The following TULP4 variants were observed in gnomAD, a reference collection of about 807,000 sequenced individuals.
TULP4 encodes the protein tubby-related protein 4.
In TULP4, 16 loss-of-function variants were observed where a neutral mutation model predicts 129.0. The ratio of observed to expected loss-of-function variants is 0.12; its 90% CI spans 0.08 to 0.19. The LOEUF (loss-of-function observed/expected upper bound fraction) is 0.19, where lower values mean the gene tolerates loss of function less well. TULP4 is among the 10% of genes least tolerant of loss of function. The probability of loss-of-function intolerance (pLI) is 1.00; values close to 1 mark genes in which losing one functional copy is unlikely to be tolerated. For synonymous variants in TULP4, 998 were observed against 854.0 expected (o/e 1.17, Z -2.94); for missense variants, 1,842 against 2,059.1 (o/e 0.89, Z 2.04).
intron 1 of TULP4, among the ~76,000 whole-genome samples, chr6:158,259,425 C>G (rs1350763219): frequency 6.6e-6 from 1 of 152,168 alleles, no homozygotes; most frequent in African/African-American, 2.4e-5. Context: ...ACATAGATAT[C>G]TTCTGTGATT....
chr6:158,253,281 G>A (rs1778178161), intron 1 of TULP4, among the ~76,000 whole-genome samples: 1 of 152,188 alleles, frequency 6.6e-6, no homozygotes, highest in African/African-American at 2.4e-5. Flanking sequence ...CAGGATCTAG[G>A]TGTGAGGCAT....
intron 1 of TULP4, among the ~76,000 whole-genome samples, chr6:158,326,899 A>G (rs773386676): frequency 6.6e-6 from 1 of 152,160 alleles, no homozygotes; most frequent in Non-Finnish European, 1.5e-5. Flanking sequence ...AAAATACAGT[A>G]TTTCTGGGAT....
intron 8 of TULP4, among the ~76,000 whole-genome samples, chr6:158,484,927 AT>A (rs1395367639): frequency 6.6e-6 from 1 of 152,270 alleles, no homozygotes; most frequent in African/African-American, 2.4e-5. Context: ...GATCCAGGAA[AT>A]GGGTATTGCT....
chr6:158,237,652 T>C (rs1583662434), intron 1 of TULP4: 1 of 1,296,228 alleles, frequency 7.7e-7, no homozygotes, highest in East Asian at 2.3e-5. Flanking sequence ...AAGTTTTGGG[T>C]CATAATTCTT....
intron 1 of TULP4, among the ~76,000 whole-genome samples, chr6:158,362,157 A>G (rs901611605): frequency 6.6e-6 from 1 of 152,186 alleles, no homozygotes; most frequent in African/African-American, 2.4e-5. Flanking sequence ...TTGCCCAGGG[A>G]TATGAACCCA....
chr6:158,373,354 T>C (rs921331205), intron 1 of TULP4, among the ~76,000 whole-genome samples: 1 of 152,210 alleles, frequency 6.6e-6, no homozygotes, highest in Non-Finnish European at 1.5e-5. Context: ...GAGCTGGCGC[T>C]GTTCACCACC....
intron 1 of TULP4, among the ~76,000 whole-genome samples, chr6:158,331,716 CACACACACACACATACGTAT>C (rs1441474601): frequency 4.0e-5 from 2 of 50,172 alleles, no homozygotes; most frequent in East Asian, 5.5e-4. Flanking sequence ...CACACACACA[CACACACACACACATACGTAT>C]ATATATACGT....
intron 2 of TULP4, among the ~76,000 whole-genome samples, chr6:158,428,668 G>A (rs1481736420): frequency 6.6e-6 from 1 of 151,890 alleles, no homozygotes; most frequent in East Asian, 1.9e-4. Context: ...GCAAGACTGA[G>A]GGGCAATATA....
intron 1 of TULP4, 106 bp downstream of exon 1, chr6:158,314,374 G>A: frequency 2.2e-6 from 3 of 1,342,874 alleles, no homozygotes; most frequent in South Asian, 1.4e-5. Context: ...TTGCTGCCTA[G>A]TGAGACTTCC....
At chr6:158,478,380 C>G (rs1335571715) in intron 6 of TULP4, among the ~76,000 whole-genome samples, 1 of 152,228 alleles carries the variant, frequency 6.6e-6, no homozygotes, top group Non-Finnish European at 1.5e-5. Context: ...AATAGAGCCT[C>G]TGTCCTAACC....
intron 3 of TULP4, among the ~76,000 whole-genome samples, chr6:158,430,975 GTTTCC>G (rs1214108690): frequency 6.6e-6 from 1 of 151,796 alleles, no homozygotes; most frequent in Non-Finnish European, 1.5e-5. Flanking sequence ...TATATTTAAT[GTTTCC>G]ATTTTTCAAG....
intron 1 of TULP4, among the ~76,000 whole-genome samples, chr6:158,354,220 A>G (rs1255674098): frequency 4.4e-5 from 1 of 22,948 alleles, no homozygotes; most frequent in Non-Finnish European, 1.2e-4. Context: ...GAAGGTATTT[A>G]ATAATTTTGG....
chr6:158,384,637 C>A (rs1049445435), intron 1 of TULP4, among the ~76,000 whole-genome samples: 1 of 152,096 alleles, frequency 6.6e-6, no homozygotes. Context: ...TGATCCTTTC[C>A]TGAGGCCAAG....
At chr6:158,373,258 T>G (rs1298313468) in intron 1 of TULP4, among the ~76,000 whole-genome samples, 3 of 152,226 alleles carry the variant, frequency 2.0e-5, no homozygotes, top group Admixed American at 6.5e-5. Context: ...ATTAACCTGT[T>G]CAGTCAACCC....
intron 1 of TULP4, among the ~76,000 whole-genome samples, chr6:158,317,594 T>C (rs1779520525): frequency 6.6e-6 from 1 of 152,152 alleles, no homozygotes; most frequent in African/African-American, 2.4e-5. Context: ...GGTTCCAAGT[T>C]TTTGCTATTG....
intron 1 of TULP4, among the ~76,000 whole-genome samples, chr6:158,303,016 G>A (rs1353254836): frequency 6.7e-6 from 1 of 148,918 alleles, no homozygotes; most frequent in Admixed American, 6.7e-5. Context: ...ATAAATTAGA[G>A]GAAATAATAG....
chr6:158,370,573 A>G (rs578054011), intron 1 of TULP4, among the ~76,000 whole-genome samples: 3 of 151,616 alleles, frequency 2.0e-5, no homozygotes, highest in East Asian at 1.9e-4. Context: ...CCCAAATTAC[A>G]TAAGTCTTCA....
At chr6:158,487,528 C>T (rs1460657310) in intron 8 of TULP4, among the ~76,000 whole-genome samples, 1 of 152,210 alleles carries the variant, frequency 6.6e-6, no homozygotes, top group East Asian at 1.9e-4. Flanking sequence ...AAGCCCCAGA[C>T]ATTGTAGTTA....
rs1380472601 is a variant in TULP4 at position 158,479,933 on chromosome 6, C to T, written c.1209C>T (p.Arg403=). The change falls in exon 7 of 14, where the codon CGC becomes CGT. Residue 403 remains arginine, a synonymous_variant. Coordinates refer to ENST00000367097, the MANE Select transcript of TULP4 (RefSeq NM_020245.5). ...KDVSKLTLPP[R]LCSYLSTAFI... ...TCAGCAAGCTGACTCTGCCCCCCCG[C>T]CTCTGCTCCTACCTCTCCACTGCCT... 1.2e-6 allele frequency: 2 copies of T among 1,610,548 alleles called. No individual in the cohort carries two copies. Among genetic ancestry groups the T allele is most frequent in the Non-Finnish European group, 1.7e-6 (2 of 1,179,918 alleles).
Sources: allele counts gnomAD v4.1 joint callset (sites outside exome capture counted in the v4.1 genomes callset), GRCh38; gene constraint gnomAD v4.1.1; transcripts MANE v1.5; gene names NCBI Gene and HGNC (gene_info 2026-07-23, HGNC 2026-07-21).